Variants in CIBAR1 observed in about 807,000 individuals in gnomAD.
The protein encoded by CIBAR1 is CBY1 interacting BAR domain containing 1.
CIBAR1 carries 25 observed loss-of-function variants against 44.0 expected under a neutral mutation model. That is an observed-to-expected ratio of 0.57 (90% confidence interval 0.41 to 0.79). The LOEUF (loss-of-function observed/expected upper bound fraction) is 0.79. Among genes scored for constraint, CIBAR1 ranks in the 30% least tolerant of loss-of-function variants. The pLI is 0.00. For synonymous variants in CIBAR1, 115 were observed against 119.0 expected (o/e 0.97, Z 0.22); for missense variants, 278 against 344.8 (o/e 0.81, Z 1.53).
rs770264980 is a variant in CIBAR1 at position 93,709,778 on chromosome 8, C to T, written c.446C>T (p.Thr149Met). 2.5e-6 allele frequency: 4 copies of T among 1,612,620 alleles called. No individual in the cohort carries two copies. The highest frequency in any genetic ancestry group is 2.7e-5 in the African/African-American group (2 of 74,912). Reference protein sequence around the residue: ...SDRHVISQAETELQRAAMDAS... With the variant: ...SDRHVISQAEMELQRAAMDAS... ...TGGGGAATACTTTTGTAGGCAGAAA[C>T]GGAATTACAGAGAGCTGCAATGGAT... is the stretch of plus-strand genomic sequence containing the variant. The change falls in exon 6 of 9, where the codon ACG becomes ATG. Residue 149 changes from threonine to methionine, a missense_variant. Physicochemically the swap from Thr to Met is moderately conservative, Grantham distance 81. Coordinates refer to ENST00000518322, the MANE Select transcript of CIBAR1 (RefSeq NM_145269.5).
In CIBAR1 at chr8:93,704,894, A is replaced by G. The variant is rs369781450; in HGVS notation, c.331-15A>G. 1 of 1,537,020 alleles carries G rather than the reference A, an allele frequency of 6.5e-7. No homozygotes were observed. The highest frequency in any genetic ancestry group is 2.1e-5 in the Admixed American group (1 of 47,784). On this transcript the variant is annotated splice_polypyrimidine_tract_variant and intron_variant, in intron 3 of 8. Coordinates refer to ENST00000518322, the MANE Select transcript of CIBAR1 (RefSeq NM_145269.5). ...AGTCAGACATTTTTACTAACAAAAA[A>G]ATGCCAATTTGCAGGATGACCTCAA... is the stretch of plus-strand genomic sequence containing the variant.
intron 6 of CIBAR1, among the ~76,000 whole-genome samples, chr8:93,712,769 C>A (rs568025316): frequency 6.7e-6 from 1 of 148,160 alleles, no homozygotes; most frequent in Non-Finnish European, 1.5e-5. Context: ...TTGTAGTAGT[C>A]GTCTCATTAT....
chr8:93,703,447 T>C (rs1810449455), intron 2 of CIBAR1, among the ~76,000 whole-genome samples, 173 bp from the exon 3 acceptor site: 1 of 152,220 alleles, frequency 6.6e-6, no homozygotes, highest in African/African-American at 2.4e-5. Context: ...GACATTTTCT[T>C]GTCATTTTGC....
chr8:93,727,049 C>G (rs1225303779), intron 8 of CIBAR1: 5 of 526,418 alleles, frequency 9.5e-6, no homozygotes, highest in Non-Finnish European at 1.7e-5. Flanking sequence ...GGTTTCTACC[C>G]CAACAACTAT....
chr8:93,705,214 A>AC, intron 4 of CIBAR1: 1 of 436,614 alleles, frequency 2.3e-6, no homozygotes, highest in South Asian at 7.1e-5. Flanking sequence ...ATTGTTTTAC[A>AC]CAGTAGACTT....
At chr8:93,725,900 T>C (rs1811469758) in intron 7 of CIBAR1, 1 of 154,754 alleles carries the variant, frequency 6.5e-6, no homozygotes, top group Non-Finnish European at 1.4e-5. Context: ...CATTTGGAAA[T>C]AGTGCCTTAA....
At chr8:93,712,514 G>A (rs1423142480) in intron 6 of CIBAR1, among the ~76,000 whole-genome samples, 1 of 152,164 alleles carries the variant, frequency 6.6e-6, no homozygotes, top group Non-Finnish European at 1.5e-5. Flanking sequence ...TTATGTACAA[G>A]TCTTTATGTA....
chr8:93,712,181 T>C (rs1810851618), intron 6 of CIBAR1, among the ~76,000 whole-genome samples: 1 of 152,192 alleles, frequency 6.6e-6, no homozygotes, highest in Non-Finnish European at 1.5e-5. Flanking sequence ...TGTTAGAACA[T>C]TGTCATCACT....
chr8:93,712,633 G>A (rs1810868000), intron 6 of CIBAR1, among the ~76,000 whole-genome samples: 1 of 152,190 alleles, frequency 6.6e-6, no homozygotes, highest in Admixed American at 6.5e-5. Flanking sequence ...TTTCTAAAGT[G>A]AATGCACCAT....
chr8:93,705,225 T>C, intron 4 of CIBAR1: 1 of 430,826 alleles, frequency 2.3e-6, no homozygotes, highest in Non-Finnish European at 4.1e-6. Flanking sequence ...CAGTAGACTT[T>C]GCAAACGAAC....
chr8:93,715,231 A>G (rs573303278), intron 6 of CIBAR1: 25 of 152,294 alleles, frequency 1.6e-4, no homozygotes, highest in Non-Finnish European at 2.8e-4. Context: ...GTTTCCATGT[A>G]TTAGGAAAAG....
At chr8:93,709,514 G>A (rs1444895889) in intron 5 of CIBAR1, among the ~76,000 whole-genome samples, 1 of 152,100 alleles carries the variant, frequency 6.6e-6, no homozygotes, top group Admixed American at 6.5e-5. Flanking sequence ...TTTATAGACA[G>A]AAAGGGAAGG....
At chr8:93,716,286 C>G (rs1811032370) in intron 6 of CIBAR1, among the ~76,000 whole-genome samples, 1 of 151,806 alleles carries the variant, frequency 6.6e-6, no homozygotes, top group South Asian at 2.1e-4. Context: ...TCAGGTGATC[C>G]ACCTGCCTCG....
intron 2 of CIBAR1, 112 bp from the exon 3 acceptor site, chr8:93,703,508 T>C (rs1397186428): frequency 3.3e-6 from 2 of 602,988 alleles, no homozygotes; most frequent in African/African-American, 1.9e-5. Flanking sequence ...TAACAGTTTT[T>C]AATGTGTTTT....
chr8:93,729,534 C>T lies in CIBAR1; in HGVS notation c.*1237C>T, dbSNP rs1811704643. The T allele has an allele frequency of 6.6e-6, 1 of 152,160 alleles. No individual in the cohort carries two copies. The highest frequency in any genetic ancestry group is 2.4e-5 in the African/African-American group (1 of 41,448). 9.4% of individuals were successfully genotyped at this position (152,160 alleles called of 1,614,324 possible). On this transcript the variant is annotated 3_prime_UTR_variant, in exon 9 of 9. Coordinates refer to ENST00000518322, the MANE Select transcript of CIBAR1 (RefSeq NM_145269.5). ...ATTTGCCTTGTTTGTAAAGTTAAAACTGCGTAAAACAGTAATTCTGGAATA... is the reference window on the plus strand; with the variant it reads ...ATTTGCCTTGTTTGTAAAGTTAAAATTGCGTAAAACAGTAATTCTGGAATA...
intron 6 of CIBAR1, among the ~76,000 whole-genome samples, chr8:93,716,941 G>A (rs1023936037): frequency 6.6e-6 from 1 of 152,062 alleles, no homozygotes; most frequent in Non-Finnish European, 1.5e-5. Context: ...AAACCTTTTC[G>A]TTAAAGATCT....
chr8:93,727,655 A>G (rs1444467485), intron 8 of CIBAR1, among the ~76,000 whole-genome samples: 2 of 152,196 alleles, frequency 1.3e-5, no homozygotes, highest in Non-Finnish European at 2.9e-5. Context: ...AATACTGACA[A>G]ACAACAGTGT....
chr8:93,712,761 G>T (rs999125771), intron 6 of CIBAR1, among the ~76,000 whole-genome samples: 4 of 148,620 alleles, frequency 2.7e-5, no homozygotes, highest in East Asian at 2.0e-4. Context: ...TAGTTTTATT[G>T]TAGTAGTCGT....
At chr8:93,710,823 C>T (rs550788068) in intron 6 of CIBAR1, among the ~76,000 whole-genome samples, 250 of 132,772 alleles carry the variant, frequency 1.9e-3, no homozygotes, top group African/African-American at 6.6e-3. Context: ...GGTGACAGAG[C>T]GAGACTCTGA....
Sources: gnomAD v4.1 joint callset for allele counts (sites outside exome capture counted in the v4.1 genomes callset) on GRCh38, gnomAD v4.1.1 for gene constraint, MANE v1.5 for transcripts, NCBI Gene and HGNC (gene_info 2026-07-23, HGNC 2026-07-21) for gene names.